The following EZH2 variants were observed in gnomAD, a reference collection of about 807,000 sequenced individuals.
The protein encoded by EZH2 is histone-lysine N-methyltransferase EZH2.
EZH2 carries 18 observed loss-of-function variants against 98.4 expected under a neutral mutation model. That is an observed-to-expected ratio of 0.18 (90% CI 0.13 to 0.27). The LOEUF is 0.27. Among genes scored for constraint, EZH2 ranks in the 10% least tolerant of loss-of-function variants. The probability of loss-of-function intolerance (pLI) is 1.00; values close to 1 mark genes in which losing one functional copy is unlikely to be tolerated. For synonymous variants in EZH2, 338 were observed against 312.3 expected (o/e 1.08, Z -0.87); for missense variants, 470 against 935.1 (o/e 0.50, Z 6.49).
At chr7:148,817,544 C>T (rs996007389) in intron 10 of EZH2, 153 bp from the exon 11 acceptor site, 33 of 728,228 alleles carry the variant, frequency 4.5e-5, no homozygotes, top group Non-Finnish European at 6.8e-5. Context: ...CATTTTCCAA[C>T]AAAACTACTC....
At chr7:148,881,675 G>C (rs541956038) in intron 1 of EZH2, among the ~76,000 whole-genome samples, 1 of 152,182 alleles carries the variant, frequency 6.6e-6, no homozygotes, top group East Asian at 1.9e-4. Context: ...GGTGGCTCAC[G>C]TCTGGATCAG....
chr7:148,867,390 C>G (rs1818705763), intron 1 of EZH2, among the ~76,000 whole-genome samples: 1 of 152,080 alleles, frequency 6.6e-6, no homozygotes, highest in African/African-American at 2.4e-5. Flanking sequence ...TATACCAGCA[C>G]AAAACAGATG....
chr7:148,847,453 G>A lies in EZH2; in HGVS notation c.-7-148C>T, dbSNP rs975114892. ...TTACAGAAAGGTGCTCATTTGTGCT[G>A]CATGGTTAAATCCTTAAAACACTTC... is the stretch of plus-strand genomic sequence containing the variant. On this transcript the variant is annotated intron_variant, in intron 1 of 19. Coordinates refer to ENST00000320356, the MANE Select transcript of EZH2 (RefSeq NM_004456.5). The A allele has an allele frequency of 9.2e-6, 9 of 973,230 alleles. No homozygotes were observed. In the African/African-American group the frequency reaches 9.9e-5, roughly 11 times the overall value. 60.3% of individuals were successfully genotyped at this position (973,230 alleles called of 1,614,324 possible). A position where few individuals can be genotyped will look rare whatever the true frequency, so the allele number is the denominator to read the frequency against.
intron 1 of EZH2, among the ~76,000 whole-genome samples, chr7:148,855,727 G>A (rs144125810): frequency 0.016 from 2,409 of 151,696 alleles, 24 homozygotes; most frequent in South Asian, 0.025. Context: ...GTGAAACCCC[G>A]TCTCTACTAA....
At chr7:148,827,298 A>G (rs754746850) in intron 6 of EZH2, 32 bp from the exon 7 acceptor site, 1 of 1,530,234 alleles carries the variant, frequency 6.5e-7, no homozygotes, top group Non-Finnish European at 9.0e-7. Flanking sequence ...GAAAAAAAGA[A>G]TGGAAGTAAA....
At chr7:148,882,219 G>C (rs1406508830) in intron 1 of EZH2, among the ~76,000 whole-genome samples, 2 of 152,090 alleles carry the variant, frequency 1.3e-5, no homozygotes, top group Non-Finnish European at 2.9e-5. Flanking sequence ...AATTTATATT[G>C]CATTTATTTG....
intron 14 of EZH2, 39 bp downstream of exon 14, chr7:148,814,875 T>C (rs759937344): frequency 5.6e-6 from 9 of 1,601,566 alleles, no homozygotes; most frequent in Non-Finnish European, 7.7e-6. Context: ...AAGACCTATT[T>C]AGTTCTCATG....
intron 3 of EZH2, among the ~76,000 whole-genome samples, chr7:148,835,846 T>C (rs1161741528): frequency 6.6e-6 from 1 of 152,192 alleles, no homozygotes; most frequent in African/African-American, 2.4e-5. Context: ...AGAAGGAGCA[T>C]TGGCTTTGCT....
chr7:148,832,852 T>A, intron 3 of EZH2, 102 bp from the exon 4 acceptor site: 2 of 675,270 alleles, frequency 3.0e-6, no homozygotes, highest in Admixed American at 5.1e-5. Context: ...ATATTTAATT[T>A]TGAAAAAAAA....
At chr7:148,866,699 T>C (rs1219361950) in intron 1 of EZH2, among the ~76,000 whole-genome samples, 1 of 143,470 alleles carries the variant, frequency 7.0e-6, no homozygotes, top group Non-Finnish European at 1.5e-5. Flanking sequence ...TATATATACA[T>C]ATATGCATAT....
chr7:148,820,131 T>A (rs922616484), intron 8 of EZH2, among the ~76,000 whole-genome samples: 1 of 152,190 alleles, frequency 6.6e-6, no homozygotes, highest in Non-Finnish European at 1.5e-5. Context: ...AAAAACTCAT[T>A]TTTAATGATA....
Position 148,847,294 on chromosome 7 carries a change from C to T in EZH2, c.5G>A (p.Gly2Asp). ...CTTCTCAGATTTCTTCCCAGTCTGG[C>T]CCATGATTATTCTAAAAGCAATGGT... Reference protein sequence around the residue: MGQTGKKSEKGP... With the variant: MDQTGKKSEKGP... The change falls in exon 2 of 20, where the codon GGC becomes GAC. Residue 2 changes from glycine to aspartate, a missense_variant. Physicochemically the swap from Gly to Asp is moderately conservative, Grantham distance 94 (BLOSUM62 -1). This residue lies in a region of EZH2 where 79 missense variants were observed against 122.1 expected (regional missense o/e 0.65). Transcript: ENST00000320356. 6.2e-7 allele frequency: 1 copy of T among 1,613,418 alleles called. No individual in the cohort carries two copies. The highest frequency in any genetic ancestry group is 8.5e-7 in the Non-Finnish European group (1 of 1,179,820).
chr7:148,830,143 G>A (rs781540805), intron 4 of EZH2, among the ~76,000 whole-genome samples: 2 of 152,146 alleles, frequency 1.3e-5, no homozygotes, highest in Non-Finnish European at 2.9e-5. Flanking sequence ...CTCTAAGAAA[G>A]AAAAAGATGC....
At chr7:148,825,532 C>T (rs531696902) in intron 8 of EZH2, among the ~76,000 whole-genome samples, 1 of 152,272 alleles carries the variant, frequency 6.6e-6, no homozygotes, top group East Asian at 1.9e-4. Flanking sequence ...ACAAGTAGAG[C>T]AAACACTTAG....
chr7:148,875,274 G>A (rs1020917056), intron 1 of EZH2, among the ~76,000 whole-genome samples: 2 of 152,138 alleles, frequency 1.3e-5, no homozygotes, highest in African/African-American at 2.4e-5. Context: ...ATCTGATTAT[G>A]CTTCCCATAT....
chr7:148,808,550 T>TG (rs1802141686), intron 19 of EZH2, among the ~76,000 whole-genome samples: 1 of 152,236 alleles, frequency 6.6e-6, no homozygotes. Flanking sequence ...ATACCATTGG[T>TG]GGCCCACGTG....
At chr7:148,858,184 C>G (rs994208301) in intron 1 of EZH2, among the ~76,000 whole-genome samples, 1 of 150,940 alleles carries the variant, frequency 6.6e-6, no homozygotes, top group African/African-American at 2.4e-5. Flanking sequence ...CCCAGCTACT[C>G]GGGAGGCTGA....
intron 8 of EZH2, among the ~76,000 whole-genome samples, chr7:148,822,211 T>A: frequency 6.6e-6 from 1 of 152,192 alleles, no homozygotes. Flanking sequence ...AACTACTTTT[T>A]AAAAAATGTT....
At position 148,817,274 on chromosome 7, in the gene EZH2, T is replaced by C. The variant is rs866144035; in HGVS notation, c.1358A>G (p.Tyr453Cys). ...SMFRVLIGTY[Y>C]DNFCAIARLI... Reference sequence around the variant, plus strand: ...CCTAGCAATGGCACAGAAATTGTCATAGTAAGTGCCAATGAGGACTCTAAA... The same window carrying C: ...CCTAGCAATGGCACAGAAATTGTCACAGTAAGTGCCAATGAGGACTCTAAA... The change falls in exon 11 of 20, where the codon TAT (tyrosine) becomes TGT (cysteine). Residue 453 changes from tyrosine (Y) to cysteine (C), a missense_variant. This residue lies in a region of EZH2 where 192 missense variants were observed against 306.8 expected (regional missense o/e 0.63). Coordinates refer to ENST00000320356, the MANE Select transcript of EZH2 (RefSeq NM_004456.5). 1.9e-6 allele frequency: 3 copies of C among 1,614,050 alleles called. No homozygotes were observed. Among genetic ancestry groups the C allele is most frequent in the Non-Finnish European group, 2.5e-6 (3 of 1,179,990 alleles).
Sources: allele counts gnomAD v4.1 joint callset (sites outside exome capture counted in the v4.1 genomes callset), GRCh38; gene constraint gnomAD v4.1.1; regional missense constraint gnomAD v4.1.1; transcripts MANE v1.5; gene names NCBI Gene and HGNC (gene_info 2026-07-23, HGNC 2026-07-21).